DOCK6: variants seen among roughly 807,000 people sequenced by gnomAD.
DOCK6 encodes the protein dedicator of cytokinesis 6, also known as dedicator of cytokinesis protein 6.
In DOCK6, 167 loss-of-function variants were observed where a neutral mutation model predicts 230.3. The observed-to-expected ratio is 0.73, with a 90% confidence interval of 0.64 to 0.82. DOCK6 has a LOEUF of 0.82. Ranked by LOEUF, DOCK6 falls within the 40% of genes least tolerant of loss-of-function variation. The pLI, the probability that DOCK6 is intolerant of heterozygous loss-of-function variation, is 0.00. For missense variants in DOCK6, 2,598 were observed against 2,825.8 expected (o/e 0.92, Z 1.83); for synonymous variants, 1,148 against 1,185.0 (o/e 0.97, Z 0.64).
Position 11,253,619 on chromosome 19 carries a change from C to T in DOCK6, c.132+20G>A, listed in dbSNP as rs948229688. Reference sequence around the variant, plus strand: ...CTGAGAGAGGGCAGAGGGCTGGGGGCGGACCCCCCAAATACTTACCCCCAG... The same window carrying T: ...CTGAGAGAGGGCAGAGGGCTGGGGGTGGACCCCCCAAATACTTACCCCCAG... On this transcript the variant is annotated intron_variant, in intron 2 of 47. Transcript: ENST00000294618. 1.0e-5 allele frequency: 14 copies of T among 1,365,234 alleles called. No individual in the cohort carries two copies. The highest frequency in any genetic ancestry group is 2.1e-4 in the Middle Eastern group (1 of 4,862). The allele number at this position is 1,365,234 out of a possible 1,614,324, so 84.6% of individuals were successfully genotyped here. A position where few individuals can be genotyped will look rare whatever the true frequency, so the allele number is the denominator to read the frequency against.
In DOCK6 at chr19:11,236,513, C is replaced by G. The variant is rs770341940; in HGVS notation, c.2225G>C (p.Arg742Pro). The G allele has an allele frequency of 3.1e-6, 5 of 1,604,652 alleles. No homozygotes were observed. Among genetic ancestry groups the G allele is most frequent in the Non-Finnish European group, 4.3e-6 (5 of 1,176,028 alleles). ...HVLEEGAFPF[R>P]LKDTVLSEGN... ...CTCGCTCAGCACAGTGTCCTTGAGCCGGAATGGGAAGGCTCCCTCCTCCAG... is the reference window on the plus strand; with the variant it reads ...CTCGCTCAGCACAGTGTCCTTGAGCGGGAATGGGAAGGCTCCCTCCTCCAG... Residue 742 changes from arginine (R) to proline (P), a missense_variant, in exon 20 of 48, where the codon CGG becomes CCG. Transcript: ENST00000294618. This position sits in a 1 kb window ranked among gnomAD's most constrained non-coding sequence, Gnocchi z 5.2.
chr19:11,261,427 T>C (rs2080286369), intron 1 of DOCK6, among the ~76,000 whole-genome samples: 1 of 149,258 alleles, frequency 6.7e-6, no homozygotes, highest in Admixed American at 6.7e-5. Context: ...GCTTCTGGTC[T>C]CTCTCCGCCA....
chr19:11,240,967 G>A (rs370740135), intron 14 of DOCK6, among the ~76,000 whole-genome samples: 36 of 151,962 alleles, frequency 2.4e-4, no homozygotes, highest in African/African-American at 8.0e-4. Flanking sequence ...TATGATGGCC[G>A]GGCATGGTGG....
chr19:11,225,535 A>C (rs2079650223), intron 24 of DOCK6, among the ~76,000 whole-genome samples: 1 of 151,808 alleles, frequency 6.6e-6, no homozygotes, highest in South Asian at 2.1e-4. Context: ...ACACACACAC[A>C]CACAAAAATA....
At chr19:11,203,808 G>T in intron 41 of DOCK6, 1 of 577,090 alleles carries the variant, frequency 1.7e-6, no homozygotes, top group Non-Finnish European at 3.1e-6. Context: ...CCACCCCCCT[G>T]CAGTGACCAA....
intron 39 of DOCK6, among the ~76,000 whole-genome samples, chr19:11,205,069 G>A (rs559078887): frequency 1.2e-4 from 19 of 152,304 alleles, no homozygotes; most frequent in African/African-American, 4.6e-4. Context: ...CTGGCATGTG[G>A]TAATATGCCC....
At position 11,202,258 on chromosome 19, in the gene DOCK6, G is replaced by A; in HGVS notation, c.5452-133C>T. On this transcript the variant is annotated intron_variant, in intron 43 of 47. Transcript: ENST00000294618. The surrounding 1 kb of genome is among the most constrained non-coding windows in gnomAD (Gnocchi z 5.3). ...ATGTCTGGATGTTTGGGAATCCCCT[G>A]AGGAATAGGTTTTGGGGTCCCTCAG... The A allele has an allele frequency of 7.2e-7, 1 of 1,383,030 alleles. No homozygotes were observed. The highest frequency in any genetic ancestry group is 1.3e-5 in the South Asian group (1 of 77,366). The allele number at this position is 1,383,030 out of a possible 1,614,324, so 85.7% of individuals were successfully genotyped here.
intron 24 of DOCK6, 148 bp downstream of exon 24, chr19:11,227,189 A>T (rs2079679030): frequency 1.5e-5 from 17 of 1,140,960 alleles, no homozygotes; most frequent in Non-Finnish European, 2.0e-5. Context: ...GGCACTTAAG[A>T]AACAGACAAT....
chr19:11,216,781 C>T (rs2079494994), intron 30 of DOCK6, 133 bp downstream of exon 30: 1 of 888,194 alleles, frequency 1.1e-6, no homozygotes, highest in African/African-American at 1.6e-5. Flanking sequence ...ACAGTCCACC[C>T]CTTTCCTCTC....
In DOCK6 at chr19:11,232,971, C is replaced by T. The variant is rs117664729; in HGVS notation, c.2718+232G>A. Among the ~76,000 whole-genome samples the T allele has an allele frequency of 9.2e-5, 14 of 152,154 alleles. No individual in the cohort carries two copies. In the East Asian group the frequency reaches 1.9e-3, roughly 21 times the overall value. On this transcript the variant is annotated intron_variant, in intron 22 of 47. Coordinates refer to ENST00000294618, the MANE Select transcript of DOCK6 (RefSeq NM_020812.4). ...GTACATATTGCTCTTTGTTCAGCCA[C>T]GCCAAGCTCCGCCACCCATCCTCGG...
At chr19:11,244,671 C>A (rs929808170) in intron 9 of DOCK6, among the ~76,000 whole-genome samples, 1 of 151,924 alleles carries the variant, frequency 6.6e-6, no homozygotes, top group Non-Finnish European at 1.5e-5. Context: ...ATTGGTCAGG[C>A]TGGTCTGGAA....
chr19:11,258,693 A>G (rs557203606), intron 1 of DOCK6, among the ~76,000 whole-genome samples: 4 of 151,312 alleles, frequency 2.6e-5, no homozygotes, highest in Non-Finnish European at 4.4e-5. Context: ...TCAGCCTCCC[A>G]AAGTGCTGGG....
At chr19:11,213,112 T>G in intron 35 of DOCK6, 64 bp downstream of exon 35, 27 of 1,564,998 alleles carry the variant, frequency 1.7e-5, no homozygotes, top group Non-Finnish European at 2.1e-5. Flanking sequence ...CCTGTATGGT[T>G]GAGACCCCAC....
At position 11,202,838 on chromosome 19, in the gene DOCK6, G is replaced by A. The variant is rs2079193986; in HGVS notation, c.5236-129C>T. ...CCGAGAACATCAGGGCATGGGCACAGGCAGGGGGCCCTGAGAACATTGGGG... is the reference window on the plus strand; with the variant it reads ...CCGAGAACATCAGGGCATGGGCACAAGCAGGGGGCCCTGAGAACATTGGGG... On this transcript the variant is annotated intron_variant, in intron 41 of 47. Coordinates refer to ENST00000294618, the MANE Select transcript of DOCK6 (RefSeq NM_020812.4). This position sits in a 1 kb window ranked among gnomAD's most constrained non-coding sequence, Gnocchi z 5.3. The A allele has an allele frequency of 1.0e-5, 15 of 1,460,758 alleles. No individual in the cohort carries two copies. The highest frequency in any genetic ancestry group is 1.3e-5 in the Non-Finnish European group (14 of 1,061,744). The allele number at this position is 1,460,758 out of a possible 1,614,324, so 90.5% of individuals were successfully genotyped here.
At position 11,216,932 on chromosome 19, in the gene DOCK6, T is replaced by C. The variant is rs4804151; in HGVS notation, c.3876A>G (p.Leu1292=). Reference sequence around the variant, plus strand: ...CTCAAACCTTGTACTCAAAGGCAGCTAGGCAAAGGTACAGCAAATCCAACA... The same window carrying C: ...CTCAAACCTTGTACTCAAAGGCAGCCAGGCAAAGGTACAGCAAATCCAACA... The part of the protein sequence containing the change: ...GRLLDLLYLC[L]AAFEYKGKKA... The change falls in exon 30 of 48, where the codon CTA becomes CTG. Residue 1292 remains leucine (L), a synonymous_variant. Transcript: ENST00000294618. The C allele has an allele frequency of 0.67, 1,075,041 of 1,612,140 alleles. 360,043 individuals carry two copies. Among genetic ancestry groups the C allele is most frequent in the Non-Finnish European group, 0.69 (807,557 of 1,178,894 alleles).
chr19:11,204,271 G>T lies in DOCK6; in HGVS notation c.5149C>A (p.His1717Asn). 6.2e-7 allele frequency: 1 copy of T among 1,604,532 alleles called. No homozygotes were observed. Among genetic ancestry groups the T allele is most frequent in the Non-Finnish European group, 8.5e-7 (1 of 1,175,322 alleles). ...GCGGCCAGCTTCTTGTAGTCACGGT[G>T]GGCTTCCAGGATGGGGATGAGGTTC... ...YKNLIPILEA[H>N]RDYKKLAAVH... Residue 1717 changes from histidine to asparagine, a missense_variant, in exon 40 of 48, where the codon CAC becomes AAC. Transcript: ENST00000294618.
Position 11,200,782 on chromosome 19 carries a change from G to C in DOCK6, c.5873C>G (p.Pro1958Arg), listed in dbSNP as rs372245070. 3.7e-6 allele frequency: 6 copies of C among 1,613,386 alleles called. No homozygotes were observed. In the Middle Eastern group the frequency reaches 5.0e-4, roughly 133 times the overall value. ...ATGCCGGAAGAGCTTGGGGTCTTCC[G>C]GGATCTCTGCTAAAAACACCTGGGC... is the stretch of plus-strand genomic sequence containing the variant. ...EVAQVFLAEI[P>R]EDPKLFRHHN... Residue 1958 changes from proline (P) to arginine (R), a missense_variant, in exon 46 of 48, where the codon CCG becomes CGG. Transcript: ENST00000294618. The surrounding 1 kb of genome is among the most constrained non-coding windows in gnomAD (Gnocchi z 4.3).
At chr19:11,230,400 A>G (rs184054814) in intron 22 of DOCK6, among the ~76,000 whole-genome samples, 17 of 152,214 alleles carry the variant, frequency 1.1e-4, no homozygotes, top group Admixed American at 3.9e-4. Context: ...TACGCCAGTG[A>G]CCAGTGACAG....
chr19:11,226,033 A>G (rs1345090603), intron 24 of DOCK6, among the ~76,000 whole-genome samples: 2 of 152,096 alleles, frequency 1.3e-5, no homozygotes, highest in African/African-American at 4.8e-5. Context: ...ACACAGCAAG[A>G]CCCTATCTCC....
Sources: gnomAD v4.1 joint callset for allele counts (sites outside exome capture counted in the v4.1 genomes callset) on GRCh38, gnomAD v4.1.1 for gene constraint, Gnocchi (gnomAD v3.1) non-coding constraint, MANE v1.5 for transcripts, NCBI Gene and HGNC (gene_info 2026-07-23, HGNC 2026-07-21) for gene names.